ATP8B4: variants seen among roughly 807,000 people sequenced by gnomAD.
ATP8B4 encodes probable phospholipid-transporting ATPase IM.
A neutral mutation model predicts 145.6 loss-of-function variants in ATP8B4; 133 were observed. The observed-to-expected ratio is 0.91, with a 90% confidence interval of 0.79 to 1.05. The LOEUF (loss-of-function observed/expected upper bound fraction) is 1.05, where lower values mean the gene tolerates loss of function less well. Ranked by LOEUF, ATP8B4 falls within the 50% of genes least tolerant of loss-of-function variation. The pLI is 0.00. For synonymous variants in ATP8B4, 507 were observed against 492.9 expected (o/e 1.03, Z -0.38); for missense variants, 1,458 against 1,425.2 (o/e 1.02, Z -0.37).
intron 20 of ATP8B4, among the ~76,000 whole-genome samples, chr15:49,906,285 G>A (rs1050441958): frequency 1.4e-4 from 21 of 152,084 alleles, no homozygotes; most frequent in African/African-American, 4.8e-5. Flanking sequence ...AAGAATCACT[G>A]GGTAAAAACT....
chr15:49,950,628 C>CAACAACAACAAAAAAAA (rs2043017517), intron 14 of ATP8B4, among the ~76,000 whole-genome samples: 4 of 57,880 alleles, frequency 6.9e-5, no homozygotes, highest in Non-Finnish European at 1.9e-4. Flanking sequence ...ACAAAAAAAA[C>CAACAACAACAAAAAAAA]AACAACAACA....
chr15:50,050,146 T>A (rs1041394552), intron 3 of ATP8B4, among the ~76,000 whole-genome samples: 4 of 152,332 alleles, frequency 2.6e-5, no homozygotes, highest in Middle Eastern at 3.4e-3. Flanking sequence ...TTTACAGACA[T>A]TTCTTCCCAG....
At chr15:50,073,996 GT>G (rs2054013678) in intron 3 of ATP8B4, 130 bp downstream of exon 3, 1 of 635,266 alleles carries the variant, frequency 1.6e-6, no homozygotes, top group African/African-American at 1.8e-5. Context: ...GGAAATATAT[GT>G]CACCTTGCTG....
intron 5 of ATP8B4, among the ~76,000 whole-genome samples, chr15:50,042,165 A>C (rs917552106): frequency 1.3e-5 from 2 of 151,978 alleles, no homozygotes; most frequent in Non-Finnish European, 2.9e-5. Flanking sequence ...AAAAAAAAAA[A>C]AAAAAACTAA....
chr15:49,977,243 A>G (rs1258605549), intron 12 of ATP8B4, among the ~76,000 whole-genome samples: 1 of 152,150 alleles, frequency 6.6e-6, no homozygotes, highest in Non-Finnish European at 1.5e-5. Flanking sequence ...CCGGACAGAA[A>G]TACCTGGGTG....
chr15:50,172,867 C>G (rs1474150060), intron 1 of ATP8B4, among the ~76,000 whole-genome samples: 123 of 151,136 alleles, frequency 8.1e-4, no homozygotes, highest in Admixed American at 2.0e-3. Context: ...CGTCTCTGAC[C>G]GGCCGCCCCG....
At chr15:49,877,146 T>C (rs1212646697) in intron 24 of ATP8B4, among the ~76,000 whole-genome samples, 1 of 152,052 alleles carries the variant, frequency 6.6e-6, no homozygotes, top group East Asian at 1.9e-4. Flanking sequence ...AGAAAGAATA[T>C]AGACAGAATG....
At chr15:50,050,322 A>T (rs1411628303) in intron 3 of ATP8B4, among the ~76,000 whole-genome samples, 1 of 152,216 alleles carries the variant, frequency 6.6e-6, no homozygotes, top group Non-Finnish European at 1.5e-5. Flanking sequence ...TTTCATTGGC[A>T]TTCTGGCAAT....
intron 1 of ATP8B4, among the ~76,000 whole-genome samples, chr15:50,146,371 C>G (rs2044277365): frequency 6.6e-6 from 1 of 152,066 alleles, no homozygotes; most frequent in African/African-American, 2.4e-5. Context: ...TGAACAGAAA[C>G]AGAAACAAAT....
upstream of ATP8B4, among the ~76,000 whole-genome samples, chr15:50,123,370 T>G (rs1372069736): frequency 6.6e-6 from 1 of 152,214 alleles, no homozygotes; most frequent in Non-Finnish European, 1.5e-5. Flanking sequence ...GGGACCAGTC[T>G]GCCTTTGTAG....
intron 15 of ATP8B4, among the ~76,000 whole-genome samples, chr15:49,932,158 T>C (rs1252964008): frequency 1.3e-5 from 2 of 152,020 alleles, no homozygotes; most frequent in South Asian, 2.1e-4. Context: ...TCCAAGATAA[T>C]TGTTAAGTAA....
chr15:50,055,327 C>T (rs1306831085), intron 3 of ATP8B4, among the ~76,000 whole-genome samples: 1 of 152,222 alleles, frequency 6.6e-6, no homozygotes, highest in Non-Finnish European at 1.5e-5. Flanking sequence ...CTTTTACTCT[C>T]AACCAACCAA....
intron 1 of ATP8B4, among the ~76,000 whole-genome samples, chr15:50,129,497 G>A (rs28650901): frequency 0.32 from 49,208 of 152,014 alleles, 9,276 homozygotes; most frequent in Middle Eastern, 0.49. Context: ...CCCTTTGTGC[G>A]TCTTCTCTGT....
At chr15:49,938,971 A>T (rs2153474923) in intron 14 of ATP8B4, among the ~76,000 whole-genome samples, 1 of 152,290 alleles carries the variant, frequency 6.6e-6, no homozygotes, top group African/African-American at 2.4e-5. Context: ...AAACCACACA[A>T]TTACATGTAA....
intron 1 of ATP8B4, among the ~76,000 whole-genome samples, chr15:50,173,075 TG>T (rs1366185247): frequency 7.8e-6 from 1 of 128,392 alleles, no homozygotes; most frequent in Non-Finnish European, 1.6e-5. Context: ...ATCCGGGAGG[TG>T]GGGGGCAGCC....
intron 6 of ATP8B4, among the ~76,000 whole-genome samples, chr15:50,032,862 T>C (rs1169888921): frequency 6.6e-6 from 1 of 152,216 alleles, no homozygotes; most frequent in African/African-American, 2.4e-5. Context: ...CTTTGGATAG[T>C]GGAAGAATGA....
intron 20 of ATP8B4, chr15:49,902,079 G>A (rs1033656512): frequency 5.8e-6 from 1 of 171,964 alleles, no homozygotes; most frequent in Middle Eastern, 2.5e-3. Context: ...GCCCTTAAAG[G>A]AAGGGAAATT....
chr15:50,115,115 C>CT (rs2057125584), intron 1 of ATP8B4, among the ~76,000 whole-genome samples: 1 of 152,180 alleles, frequency 6.6e-6, no homozygotes, highest in Non-Finnish European at 1.5e-5. Flanking sequence ...CAGATGCCCT[C>CT]TATCTCCTCA....
intron 1 of ATP8B4, among the ~76,000 whole-genome samples, chr15:50,113,566 C>G (rs796898525): frequency 6.6e-6 from 1 of 151,966 alleles, no homozygotes; most frequent in African/African-American, 2.4e-5. Context: ...AGGCCAGGAG[C>G]GGTGGCTCAC....
Sources: allele counts gnomAD v4.1 joint callset (sites outside exome capture counted in the v4.1 genomes callset), GRCh38; gene constraint gnomAD v4.1.1; transcripts MANE v1.5; gene names NCBI Gene and HGNC (gene_info 2026-07-23, HGNC 2026-07-21).